ATRX: variants seen among roughly 807,000 people sequenced by gnomAD.
ATRX encodes chromatin remodeler ATRX.
In ATRX, 12 loss-of-function variants were observed where a neutral mutation model predicts 172.6. That is an observed-to-expected ratio of 0.07 (90% CI 0.04 to 0.11). The LOEUF is 0.11. Ranked by LOEUF, ATRX falls within the 10% of genes least tolerant of loss-of-function variation. The probability of loss-of-function intolerance (pLI) is 1.00; values close to 1 mark genes in which losing one functional copy is unlikely to be tolerated. For synonymous variants in ATRX, 674 were observed against 594.7 expected (o/e 1.13, Z -1.94); for missense variants, 1,368 against 1,767.4 (o/e 0.77, Z 4.05).
intron 2 of ATRX, among the ~76,000 whole-genome samples, chrX:77,715,365 T>G (rs1373153213): frequency 8.9e-6 from 1 of 112,028 alleles, no homozygotes; most frequent in Non-Finnish European, 1.9e-5. Flanking sequence ...TTGTAGCCTA[T>G]GAGCAACAGG....
chrX:77,523,604 T>C (rs945938831), intron 30 of ATRX, among the ~76,000 whole-genome samples: 1 of 111,920 alleles, frequency 8.9e-6, no homozygotes, highest in Non-Finnish European at 1.9e-5. Flanking sequence ...TTATACAGTA[T>C]GGTTTAGGCA....
chrX:77,775,352 T>C (rs1478725842), intron 1 of ATRX, among the ~76,000 whole-genome samples: 2 of 111,537 alleles, frequency 1.8e-5, no homozygotes, highest in African/African-American at 6.5e-5. Context: ...TCCCTAAAGA[T>C]AGATCGGATT....
intron 7 of ATRX, among the ~76,000 whole-genome samples, chrX:77,686,916 G>A (rs1475787832): frequency 1.8e-5 from 2 of 108,464 alleles, no homozygotes; most frequent in African/African-American, 6.7e-5. Flanking sequence ...CACTTTGGGA[G>A]GCTGAGATGG....
At chrX:77,609,259 G>A (rs1349273089) in intron 22 of ATRX, among the ~76,000 whole-genome samples, 1 of 111,541 alleles carries the variant, frequency 9.0e-6, no homozygotes, top group Non-Finnish European at 1.9e-5. Flanking sequence ...AAGAAAATCA[G>A]TATATTGAAG....
rs969044926 is a variant in ATRX, at chrX:77,552,667, C to T, written c.6699+4784G>A. 1.1e-4 allele frequency among the ~76,000 whole-genome samples: 12 copies of T among 111,119 alleles called. 1 individual carries two copies. The highest frequency in any genetic ancestry group is 3.6e-4 in the African/African-American group (11 of 30,544). ...TTCACTAAGGATACTGAAGGAAGCA[C>T]AGAATGCAGTTCTTGCCTTTAAAGA... On this transcript the variant is annotated intron_variant, in intron 30 of 34. Coordinates refer to ENST00000373344, the MANE Select transcript of ATRX (RefSeq NM_000489.6).
intron 9 of ATRX, among the ~76,000 whole-genome samples, chrX:77,679,598 T>C (rs1270180521): frequency 8.9e-6 from 1 of 111,759 alleles, no homozygotes; most frequent in Non-Finnish European, 1.9e-5. Context: ...GAGAGGTGCA[T>C]AACAGAAACT....
intron 32 of ATRX, 180 bp downstream of exon 32, chrX:77,522,083 A>C (rs2063248914): frequency 1.8e-6 from 1 of 547,948 alleles, no homozygotes; most frequent in Non-Finnish European, 3.0e-6. Flanking sequence ...CTCTGAACAA[A>C]CCACATTTTA....
chrX:77,567,223 C>A (rs782695915), intron 28 of ATRX, among the ~76,000 whole-genome samples: 72 of 110,756 alleles, frequency 6.5e-4, no homozygotes, highest in Admixed American at 6.7e-4. Flanking sequence ...GAAAGAGAAC[C>A]AACTGAACAA....
chrX:77,756,910 C>G lies in ATRX; in HGVS notation c.20+29072G>C, dbSNP rs781849180. Among the ~76,000 whole-genome samples, 116 of 109,833 alleles carry G rather than the reference C, an allele frequency of 1.1e-3. 2 individuals are homozygous for G. The highest frequency in any genetic ancestry group is 3.6e-3 in the African/African-American group (109 of 30,166). On this transcript the variant is annotated intron_variant, in intron 1 of 34. Transcript: ENST00000373344. The stretch of plus-strand genomic sequence containing the variant: ...AAGCAATTCTCCTGCCTCAGCCTCC[C>G]AAGTAGCTGGGATTACAGGCACACA...
Position 77,616,181 on chromosome X carries a change from C to G in ATRX, c.5566+432G>C, listed in dbSNP as rs45597038. 1.4e-4 allele frequency: 113 copies of G among 829,747 alleles called. 2 individuals carry two copies. In the East Asian group the frequency reaches 0.01, roughly 74 times the overall value. The allele number at this position is 829,747 out of a possible 1,213,427, so 68.4% of individuals were successfully genotyped here. Reference sequence around the variant, plus strand: ...TGGTGTATTTTAGGCATACTACATGCCTTGCCTTCTATTTTACTTTTGCCT... The same window carrying G: ...TGGTGTATTTTAGGCATACTACATGGCTTGCCTTCTATTTTACTTTTGCCT... On this transcript the variant is annotated intron_variant, in intron 22 of 34. Coordinates refer to ENST00000373344, the MANE Select transcript of ATRX (RefSeq NM_000489.6).
Position 77,684,436 on chromosome X carries a change from A to G in ATRX, c.820T>C (p.Leu274=), listed in dbSNP as rs146012355. ...YCYICHPEPL[L]DLVTACNSVF... is the part of the protein sequence containing the mutation. Reference sequence around the variant, plus strand: ...CTGTTACATGCAGTGACCAAGTCCAACAAAGGCTCTGGGTGACAAATGTAG... The same window carrying G: ...CTGTTACATGCAGTGACCAAGTCCAGCAAAGGCTCTGGGTGACAAATGTAG... The change falls in exon 9 of 35, where the codon TTG becomes CTG. Residue 274 remains leucine (L), a synonymous_variant. Coordinates refer to ENST00000373344, the MANE Select transcript of ATRX (RefSeq NM_000489.6). 33 of 1,210,353 alleles carry G rather than the reference A, an allele frequency of 2.7e-5. No individual in the cohort carries two copies. The African/African-American group carries it at 3.0e-4, about 11-fold the overall frequency.
Position 77,786,061 on chromosome X carries a change from C to A in ATRX, c.-60G>T. 3.5e-6 allele frequency: 4 copies of A among 1,142,823 alleles called. No homozygotes were observed. The highest frequency in any genetic ancestry group is 4.7e-6 in the Non-Finnish European group (4 of 849,974). 94.2% of individuals were successfully genotyped at this position (1,142,823 alleles called of 1,213,427 possible). A position where few individuals can be genotyped will look rare whatever the true frequency, so the allele number is the denominator to read the frequency against. ...TGCTGGGCGCCGATCTGCGCTCCCC[C>A]GCGCCCGGTTACGATAGAAATGCAC... is the stretch of plus-strand genomic sequence containing the variant. On this transcript the variant is annotated 5_prime_UTR_variant, in exon 1 of 35. Transcript: ENST00000373344.
chrX:77,593,788 A>T lies in ATRX; in HGVS notation c.6018T>A (p.Val2006=), dbSNP rs781802180. The T allele has an allele frequency of 1.7e-5, 20 of 1,208,746 alleles. No individual in the cohort carries two copies. The highest frequency in any genetic ancestry group is 2.0e-5 in the Non-Finnish European group (18 of 894,137). The change falls in exon 26 of 35, where the codon GTT becomes GTA. Residue 2006 remains valine, a synonymous_variant. Transcript: ENST00000373344. ...SPAPDWYKDF[V]TDADAEVLEH... is the part of the protein sequence containing the mutation. ...CTAAAACCTCAGCATCAGCATCTGT[A>T]ACAAAATCTTTGTACCAGTCTGGAG...
At chrX:77,660,888 C>T (rs2069851932) in intron 12 of ATRX, among the ~76,000 whole-genome samples, 1 of 111,687 alleles carries the variant, frequency 9.0e-6, no homozygotes, top group Non-Finnish European at 1.9e-5. Flanking sequence ...AAACCTGACA[C>T]TCATTGTAGA....
intron 30 of ATRX, among the ~76,000 whole-genome samples, chrX:77,531,511 C>T (rs1402430148): frequency 1.8e-5 from 2 of 112,247 alleles, no homozygotes; most frequent in African/African-American, 6.5e-5. Context: ...ATCACATAAA[C>T]AGAACTAAAC....
At chrX:77,663,662 AG>A in intron 11 of ATRX, 104 bp from the exon 12 acceptor site, 1 of 639,338 alleles carries the variant, frequency 1.6e-6, no homozygotes, top group East Asian at 3.5e-5. Flanking sequence ...AAAAAATCAG[AG>A]TTAGACACAT....
At chrX:77,560,132 G>T (rs2064966092) in intron 28 of ATRX, among the ~76,000 whole-genome samples, 1 of 111,337 alleles carries the variant, frequency 9.0e-6, no homozygotes, top group Non-Finnish European at 1.9e-5. Context: ...AAGAGGTTTG[G>T]TCACGGGACT....
At chrX:77,602,977 T>C (rs1305539257) in intron 22 of ATRX, among the ~76,000 whole-genome samples, 2 of 109,040 alleles carry the variant, frequency 1.8e-5, no homozygotes, top group African/African-American at 6.7e-5. Context: ...TTGAAAAAAA[T>C]AAGCCAAGCC....
chrX:77,683,117 A>G lies in ATRX; in HGVS notation c.2139T>C (p.Pro713=), dbSNP rs1557140205. The G allele has an allele frequency of 8.3e-7, 1 of 1,210,981 alleles. No homozygotes were observed. The highest frequency in any genetic ancestry group is 1.8e-5 in the South Asian group (1 of 56,987). The change falls in exon 9 of 35, where the codon CCT becomes CCC. Residue 713 remains proline, a synonymous_variant. Coordinates refer to ENST00000373344, the MANE Select transcript of ATRX (RefSeq NM_000489.6). Reference sequence around the variant, plus strand: ...ATTGCTTAGATTTTGGCAATTTATTAGGCTTAGGATTATCTATAGCACTGT... The same window carrying G: ...ATTGCTTAGATTTTGGCAATTTATTGGGCTTAGGATTATCTATAGCACTGT... ...SSDSAIDNPK[P]NKLPKSKQSE...
Sources: allele counts gnomAD v4.1 joint callset (sites outside exome capture counted in the v4.1 genomes callset), GRCh38; gene constraint gnomAD v4.1.1; transcripts MANE v1.5; gene names NCBI Gene and HGNC (gene_info 2026-07-23, HGNC 2026-07-21).